The following CAMK1D variants were observed in gnomAD, a reference collection of about 807,000 sequenced individuals.
The protein encoded by CAMK1D is calcium/calmodulin dependent protein kinase ID, also known as calcium/calmodulin-dependent protein kinase type 1D.
In CAMK1D, 9 loss-of-function variants were observed where a neutral mutation model predicts 47.7. The ratio of observed to expected loss-of-function variants is 0.19; its 90% confidence interval spans 0.11 to 0.33. CAMK1D has a LOEUF of 0.33. Ranked by LOEUF, CAMK1D falls within the 10% of genes least tolerant of loss-of-function variation. The pLI is 1.00. For synonymous variants in CAMK1D, 184 were observed against 184.9 expected (o/e 0.99, Z 0.04); for missense variants, 291 against 488.7 (o/e 0.60, Z 3.81).
In CAMK1D at chr10:12,728,488, G is replaced by A. The variant is rs1307717821; in HGVS notation, c.300-32460G>A. ...CCGTTATTGTGCACTGGCATCGAGA[G>A]CAGTGTTTTAAGTGGTCTGACGGGA... On this transcript the variant is annotated intron_variant, in intron 3 of 10. Coordinates refer to ENST00000619168, the MANE Select transcript of CAMK1D (RefSeq NM_153498.4). Among the ~76,000 whole-genome samples, 9 of 152,220 alleles carry A rather than the reference G, an allele frequency of 5.9e-5. 1 individual carries two copies. In the South Asian group the frequency reaches 1.2e-3, roughly 21 times the overall value.
At chr10:12,722,415 C>G (rs2130787776) in intron 3 of CAMK1D, among the ~76,000 whole-genome samples, 1 of 129,966 alleles carries the variant, frequency 7.7e-6, no homozygotes, top group South Asian at 2.4e-4. Context: ...CACTGCACCT[C>G]CAGCCTGGGC....
chr10:12,425,722 C>T (rs1464948470), intron 1 of CAMK1D, among the ~76,000 whole-genome samples: 4 of 152,194 alleles, frequency 2.6e-5, no homozygotes, highest in African/African-American at 2.4e-5. Flanking sequence ...GGGCACAGCT[C>T]GCTGAGGTTA....
At chr10:12,395,165 G>A (rs1838898457) in intron 1 of CAMK1D, among the ~76,000 whole-genome samples, 1 of 149,014 alleles carries the variant, frequency 6.7e-6, no homozygotes, top group Non-Finnish European at 1.5e-5. Flanking sequence ...TCCAACTCCT[G>A]GGTTCAAGCA....
chr10:12,481,136 C>T (rs1383967236), intron 1 of CAMK1D, among the ~76,000 whole-genome samples: 2 of 152,190 alleles, frequency 1.3e-5, no homozygotes, highest in African/African-American at 2.4e-5. Flanking sequence ...AAATTGTTAC[C>T]AGCCATTATT....
chr10:12,747,306 C>T (rs1469272668), intron 3 of CAMK1D, among the ~76,000 whole-genome samples: 1 of 151,998 alleles, frequency 6.6e-6, no homozygotes, highest in South Asian at 2.1e-4. Flanking sequence ...CTGGGATTAC[C>T]GGCGTTTGTT....
chr10:12,501,960 C>T (rs1476673627), intron 1 of CAMK1D, among the ~76,000 whole-genome samples: 2 of 152,110 alleles, frequency 1.3e-5, no homozygotes, highest in African/African-American at 4.8e-5. Context: ...GTGCTCAGAG[C>T]TGCAGGCCCT....
At chr10:12,583,382 C>T (rs897198498) in intron 2 of CAMK1D, among the ~76,000 whole-genome samples, 1 of 152,088 alleles carries the variant, frequency 6.6e-6, no homozygotes, top group African/African-American at 2.4e-5. Context: ...TAGCATATCC[C>T]ATTTTTAGTC....
chr10:12,386,639 A>G (rs1373014245), intron 1 of CAMK1D, among the ~76,000 whole-genome samples: 1 of 152,190 alleles, frequency 6.6e-6, no homozygotes, highest in Non-Finnish European at 1.5e-5. Flanking sequence ...AAATAATATG[A>G]TCCCAATTTT....
chr10:12,657,595 T>A (rs1840155426), intron 2 of CAMK1D, among the ~76,000 whole-genome samples: 1 of 152,220 alleles, frequency 6.6e-6, no homozygotes, highest in Non-Finnish European at 1.5e-5. Flanking sequence ...GCAGCTAGAA[T>A]GGTGCTGTCT....
chr10:12,556,674 T>C (rs1335638445), intron 2 of CAMK1D, among the ~76,000 whole-genome samples: 1 of 151,916 alleles, frequency 6.6e-6, no homozygotes, highest in South Asian at 2.1e-4. Flanking sequence ...ACACCTAAGG[T>C]TGGAGAGGTG....
chr10:12,451,355 C>G (rs1046441998), intron 1 of CAMK1D, among the ~76,000 whole-genome samples: 1 of 152,174 alleles, frequency 6.6e-6, no homozygotes, highest in Non-Finnish European at 1.5e-5. Context: ...CTGGGTAAGT[C>G]TGTTCTCTTG....
rs1343720795 is a variant in CAMK1D at position 12,598,165 on chromosome 10, C to T, written c.224+44809C>T. On this transcript the variant is annotated intron_variant, in intron 2 of 10. Coordinates refer to ENST00000619168, the MANE Select transcript of CAMK1D (RefSeq NM_153498.4). ...CATGCCTTGATTTTCAGTGTTGCCA[C>T]GGGAAAGCAATAGCAGAACCTGGGT... 4.6e-5 allele frequency among the ~76,000 whole-genome samples: 7 copies of T among 152,160 alleles called. No homozygotes were observed. In the South Asian group the frequency reaches 8.3e-4, roughly 18 times the overall value.
chr10:12,742,590 T>C (rs2130849659), intron 3 of CAMK1D, among the ~76,000 whole-genome samples: 1 of 152,364 alleles, frequency 6.6e-6, no homozygotes, highest in Non-Finnish European at 1.5e-5. Context: ...TAAAATTATG[T>C]CTGGTAGATT....
In CAMK1D at chr10:12,831,329, A is replaced by T. The variant is rs1588979172; in HGVS notation, c.*2442A>T. On this transcript the variant is annotated 3_prime_UTR_variant, in exon 11 of 11. Transcript: ENST00000619168. ...AACATTCGAGTTCATACAGTGCATG[A>T]CAAAGTAATAGAAGGCTGCAAGCGC... 6.6e-6 allele frequency: 1 copy of T among 152,250 alleles called. No individual in the cohort carries two copies. The highest frequency in any genetic ancestry group is 1.9e-4 in the East Asian group (1 of 5,200). The allele number at this position is 152,250 out of a possible 1,614,324, so 9.4% of individuals were successfully genotyped here. A position where few individuals can be genotyped will look rare whatever the true frequency, so the allele number is the denominator to read the frequency against.
chr10:12,574,783 G>A (rs1188746940), intron 2 of CAMK1D, among the ~76,000 whole-genome samples: 1 of 152,114 alleles, frequency 6.6e-6, no homozygotes, highest in East Asian at 1.9e-4. Context: ...CTGCTTCTGG[G>A]GATGCCTCAG....
At chr10:12,607,942 C>T (rs2132404952) in intron 2 of CAMK1D, among the ~76,000 whole-genome samples, 1 of 152,106 alleles carries the variant, frequency 6.6e-6, no homozygotes, top group African/African-American at 2.4e-5. Flanking sequence ...GCCTAGGTGA[C>T]AGAGGGAGAC....
intron 2 of CAMK1D, among the ~76,000 whole-genome samples, chr10:12,579,489 C>A (rs552295996): frequency 1.3e-5 from 2 of 152,298 alleles, no homozygotes; most frequent in African/African-American, 4.8e-5. Flanking sequence ...GGAATGTGGT[C>A]AGACCATTGA....
chr10:12,512,938 G>A (rs896555571), intron 1 of CAMK1D, among the ~76,000 whole-genome samples: 1 of 152,312 alleles, frequency 6.6e-6, no homozygotes, highest in South Asian at 2.1e-4. Flanking sequence ...CTTTGCCTCA[G>A]TTGTTTTCTT....
chr10:12,421,519 T>C (rs1166804531), intron 1 of CAMK1D, among the ~76,000 whole-genome samples: 72 of 118,930 alleles, frequency 6.1e-4, no homozygotes, highest in Middle Eastern at 3.8e-3. Flanking sequence ...TTCTTTTTTT[T>C]TTTTTTTTTT....
Sources: gnomAD v4.1 joint callset for allele counts (sites outside exome capture counted in the v4.1 genomes callset) on GRCh38, gnomAD v4.1.1 for gene constraint, MANE v1.5 for transcripts, NCBI Gene and HGNC (gene_info 2026-07-23, HGNC 2026-07-21) for gene names.